The following SPOCK1 variants were observed in gnomAD, a reference collection of about 807,000 sequenced individuals.
SPOCK1 encodes the protein SPARC (osteonectin), cwcv and kazal like domains proteoglycan 1.
Under a neutral mutation model 55.3 loss-of-function variants are expected in SPOCK1, and 23 were observed. The ratio of observed to expected loss-of-function variants is 0.42; its 90% confidence interval spans 0.30 to 0.59. The LOEUF (loss-of-function observed/expected upper bound fraction) is 0.59, where lower values mean the gene tolerates loss of function less well. Among genes scored for constraint, SPOCK1 ranks in the 20% least tolerant of loss-of-function variants. The pLI, the probability that SPOCK1 is intolerant of heterozygous loss-of-function variation, is 0.22. For synonymous variants in SPOCK1, 226 were observed against 221.0 expected (o/e 1.02, Z -0.20); for missense variants, 499 against 552.5 (o/e 0.90, Z 0.97).
chr5:137,192,336 A>G (rs1471929029), intron 3 of SPOCK1, among the ~76,000 whole-genome samples: 2 of 151,972 alleles, frequency 1.3e-5, no homozygotes, highest in Non-Finnish European at 2.9e-5. Context: ...TGAGTTGTGC[A>G]GGAGAGCCTC....
At chr5:137,282,787 T>A (rs1757191959) in intron 2 of SPOCK1, among the ~76,000 whole-genome samples, 1 of 152,144 alleles carries the variant, frequency 6.6e-6, no homozygotes, top group Admixed American at 6.5e-5. Flanking sequence ...GACTCAGCAG[T>A]GCCCAGTGCC....
At chr5:137,048,274 TA>T in intron 6 of SPOCK1, among the ~76,000 whole-genome samples, 1 of 121,272 alleles carries the variant, frequency 8.2e-6, no homozygotes, top group South Asian at 3.3e-4. Flanking sequence ...TGTGGGAGTC[TA>T]AGTCTCTTTG....
At chr5:137,335,536 G>C (rs539027224) in intron 2 of SPOCK1, among the ~76,000 whole-genome samples, 2 of 152,312 alleles carry the variant, frequency 1.3e-5, no homozygotes, top group South Asian at 4.1e-4. Context: ...AATTGGCCAA[G>C]AGTACATAAC....
chr5:137,427,156 C>A (rs1247589100), intron 2 of SPOCK1, among the ~76,000 whole-genome samples: 1 of 152,198 alleles, frequency 6.6e-6, no homozygotes, highest in East Asian at 1.9e-4. Context: ...CAGCTGCCCC[C>A]AGTAGCCTAG....
chr5:137,082,908 G>A (rs915248279), intron 5 of SPOCK1, among the ~76,000 whole-genome samples: 2 of 152,144 alleles, frequency 1.3e-5, no homozygotes, highest in Admixed American at 1.3e-4. Flanking sequence ...TTTGATGTCA[G>A]TCCGAATCCT....
chr5:137,394,580 C>CTA (rs1256218326), intron 2 of SPOCK1, among the ~76,000 whole-genome samples: 1 of 152,190 alleles, frequency 6.6e-6, no homozygotes, highest in Non-Finnish European at 1.5e-5. Flanking sequence ...CTCCCACAGG[C>CTA]TATACCCTTT....
intron 3 of SPOCK1, among the ~76,000 whole-genome samples, chr5:137,148,759 G>A (rs1341510355): frequency 6.6e-6 from 1 of 152,180 alleles, no homozygotes; most frequent in Non-Finnish European, 1.5e-5. Context: ...ACTGGTAACT[G>A]ACAGAGAAAT....
intron 2 of SPOCK1, among the ~76,000 whole-genome samples, chr5:137,385,107 T>A (rs1474945988): frequency 6.6e-6 from 1 of 152,188 alleles, no homozygotes; most frequent in Non-Finnish European, 1.5e-5. Flanking sequence ...TTTATCACAG[T>A]CATAATCTTC....
At chr5:137,078,401 A>C (rs1284652130) in intron 5 of SPOCK1, among the ~76,000 whole-genome samples, 2 of 152,134 alleles carry the variant, frequency 1.3e-5, no homozygotes, top group Non-Finnish European at 2.9e-5. Context: ...TGGCTCGGGC[A>C]GTTTACTCCA....
chr5:137,088,199 C>G (rs1168256871), intron 5 of SPOCK1, among the ~76,000 whole-genome samples: 1 of 152,158 alleles, frequency 6.6e-6, no homozygotes, highest in Non-Finnish European at 1.5e-5. Flanking sequence ...GGGTCCCTCT[C>G]CAGGGAGAGG....
At position 137,081,616 on chromosome 5, in the gene SPOCK1, T is replaced by C. The variant is rs182203385; in HGVS notation, c.475-13787A>G. On this transcript the variant is annotated intron_variant, in intron 5 of 10. Coordinates refer to ENST00000394945, the MANE Select transcript of SPOCK1 (RefSeq NM_004598.4). ...TCTGAATAAAGCCTGCGTATGTCCA[T>C]AAGAGCCAACAGAAACGAAACCACA... is the stretch of plus-strand genomic sequence containing the variant. Among the ~76,000 whole-genome samples the C allele has an allele frequency of 3.3e-5, 5 of 152,312 alleles. No homozygotes were observed. The East Asian group carries it at 9.6e-4, about 29-fold the overall frequency.
At chr5:137,108,788 T>C in intron 5 of SPOCK1, among the ~76,000 whole-genome samples, 1 of 152,102 alleles carries the variant, frequency 6.6e-6, no homozygotes, top group East Asian at 1.9e-4. Context: ...GGCCCAGCAG[T>C]ATGTATATGC....
intron 6 of SPOCK1, among the ~76,000 whole-genome samples, chr5:137,024,314 A>AGGCGGGCGG: frequency 8.4e-6 from 1 of 119,262 alleles, no homozygotes; most frequent in African/African-American, 3.2e-5. Context: ...ACCAGTTTGA[A>AGGCGGGCGG]GGGGGGGGGG....
At chr5:137,258,623 T>C (rs1185470822) in intron 3 of SPOCK1, among the ~76,000 whole-genome samples, 1 of 152,214 alleles carries the variant, frequency 6.6e-6, no homozygotes, top group Non-Finnish European at 1.5e-5. Flanking sequence ...ACAAGTACAA[T>C]ATAATTAATT....
At chr5:137,427,376 C>T (rs1202251866) in intron 2 of SPOCK1, among the ~76,000 whole-genome samples, 1 of 152,188 alleles carries the variant, frequency 6.6e-6, no homozygotes, top group East Asian at 1.9e-4. Flanking sequence ...CCAATGTCCC[C>T]ATAAAAACAC....
rs1110064 is a variant in SPOCK1, at chr5:137,479,117, G to A, written c.186+19256C>T. ...TAAGGGTATACTAGATAGGAGAACT[G>A]CTCAAAAACTGGAGCACCTGCAAGA... On this transcript the variant is annotated intron_variant, in intron 2 of 10. Transcript: ENST00000394945. Among the ~76,000 whole-genome samples the A allele has an allele frequency of 6.8e-3, 1,035 of 151,624 alleles. 17 individuals carry two copies. Among genetic ancestry groups the A allele is most frequent in the Admixed American group, 0.026 (389 of 15,178 alleles).
intron 3 of SPOCK1, among the ~76,000 whole-genome samples, chr5:137,150,171 A>C (rs143540718): frequency 1.3e-5 from 2 of 152,172 alleles, no homozygotes; most frequent in Non-Finnish European, 2.9e-5. Context: ...TAAACTCTAT[A>C]AGAAGAAACA....
chr5:137,134,746 T>C (rs1004814163), intron 4 of SPOCK1, among the ~76,000 whole-genome samples: 11 of 152,226 alleles, frequency 7.2e-5, no homozygotes, highest in Admixed American at 5.2e-4. Flanking sequence ...AAAGCCCCTG[T>C]AGCAGGAGGC....
At chr5:137,450,247 C>T (rs1216113982) in intron 2 of SPOCK1, among the ~76,000 whole-genome samples, 1 of 152,178 alleles carries the variant, frequency 6.6e-6, no homozygotes, top group Non-Finnish European at 1.5e-5. Context: ...TGTCTCCACA[C>T]CTGTTCTAGG....
Sources: gnomAD v4.1 joint callset for allele counts (sites outside exome capture counted in the v4.1 genomes callset) on GRCh38, gnomAD v4.1.1 for gene constraint, MANE v1.5 for transcripts, NCBI Gene and HGNC (gene_info 2026-07-23, HGNC 2026-07-21) for gene names.